Variants in POU6F2 observed in about 807,000 individuals in gnomAD.
POU6F2 encodes the protein POU class 6 homeobox 2, also known as POU domain, class 6, transcription factor 2.
A neutral mutation model predicts 71.3 loss-of-function variants in POU6F2; 31 were observed. The ratio of observed to expected loss-of-function variants is 0.43; its 90% confidence interval spans 0.33 to 0.59. The LOEUF (loss-of-function observed/expected upper bound fraction) is 0.59. Ranked by LOEUF, POU6F2 falls within the 20% of genes least tolerant of loss-of-function variation. The pLI is 0.04. For synonymous variants in POU6F2, 347 were observed against 355.7 expected (o/e 0.98, Z 0.27); for missense variants, 783 against 856.8 (o/e 0.91, Z 1.07).
intron 4 of POU6F2, among the ~76,000 whole-genome samples, chr7:39,230,345 T>A (rs1029695566): frequency 6.6e-6 from 1 of 151,970 alleles, no homozygotes; most frequent in Non-Finnish European, 1.5e-5. Context: ...TTTAGCTGGG[T>A]GTAGTGGTGC....
At chr7:39,044,206 A>G (rs918876739) in intron 1 of POU6F2, among the ~76,000 whole-genome samples, 1 of 151,894 alleles carries the variant, frequency 6.6e-6, no homozygotes, top group Non-Finnish European at 1.5e-5. Flanking sequence ...TAAAGAACGT[A>G]TGGGGTCGAT....
chr7:39,371,114 CT>C (rs1450236523), intron 5 of POU6F2, among the ~76,000 whole-genome samples: 1 of 151,858 alleles, frequency 6.6e-6, no homozygotes, highest in African/African-American at 2.4e-5. Context: ...GAATACTTAT[CT>C]TTACAGTCAA....
intron 7 of POU6F2, among the ~76,000 whole-genome samples, chr7:39,434,786 A>C (rs964170964): frequency 6.6e-6 from 1 of 151,902 alleles, no homozygotes; most frequent in Non-Finnish European, 1.5e-5. Context: ...CCCTCCTCAC[A>C]TCCCACCCCC....
chr7:39,414,630 A>C (rs557161461), intron 6 of POU6F2, among the ~76,000 whole-genome samples: 28 of 151,182 alleles, frequency 1.9e-4, no homozygotes, highest in African/African-American at 6.7e-4. Context: ...TCAGGGCCCC[A>C]GCAGAAGCGC....
At chr7:39,244,526 G>A (rs539330672) in intron 4 of POU6F2, among the ~76,000 whole-genome samples, 1 of 152,278 alleles carries the variant, frequency 6.6e-6, no homozygotes, top group South Asian at 2.1e-4. Context: ...GCTGGAACTG[G>A]TATTAACTTA....
At chr7:39,461,057 A>T (rs1788938351) in intron 9 of POU6F2, among the ~76,000 whole-genome samples, 1 of 152,102 alleles carries the variant, frequency 6.6e-6, no homozygotes, top group Non-Finnish European at 1.5e-5. Flanking sequence ...TTCTGAGCAA[A>T]TGTTGTAAAG....
intron 1 of POU6F2, among the ~76,000 whole-genome samples, chr7:39,025,212 C>T (rs1285539204): frequency 6.6e-6 from 1 of 152,164 alleles, no homozygotes; most frequent in Non-Finnish European, 1.5e-5. Flanking sequence ...AGAGATTCAA[C>T]TTCTTCCTGG....
intron 4 of POU6F2, among the ~76,000 whole-genome samples, chr7:39,221,622 A>C (rs1245048291): frequency 6.6e-6 from 1 of 151,998 alleles, no homozygotes; most frequent in Admixed American, 6.6e-5. Context: ...TCCTAACCTC[A>C]GTGATCCACT....
intron 4 of POU6F2, among the ~76,000 whole-genome samples, chr7:39,282,960 C>T (rs1784585783): frequency 6.6e-6 from 1 of 152,056 alleles, no homozygotes; most frequent in African/African-American, 2.4e-5. Flanking sequence ...TTTTTTTCAT[C>T]AGTGCTTAAA....
At chr7:39,241,105 A>G (rs1326096201) in intron 4 of POU6F2, among the ~76,000 whole-genome samples, 1 of 152,052 alleles carries the variant, frequency 6.6e-6, no homozygotes, top group Admixed American at 6.6e-5. Context: ...CAGACTTCTC[A>G]CTTCTTATTG....
At chr7:39,390,996 A>G (rs1204969561) in intron 5 of POU6F2, among the ~76,000 whole-genome samples, 1 of 152,170 alleles carries the variant, frequency 6.6e-6, no homozygotes, top group Non-Finnish European at 1.5e-5. Context: ...CCCTGGGACT[A>G]GGGTCCCACA....
At chr7:39,371,626 T>A (rs1454136568) in intron 5 of POU6F2, among the ~76,000 whole-genome samples, 1 of 152,108 alleles carries the variant, frequency 6.6e-6, no homozygotes, top group Admixed American at 6.5e-5. Flanking sequence ...TCTACAGATG[T>A]CCCCTTGAGC....
At chr7:39,030,471 A>C (rs1789910389) in intron 1 of POU6F2, among the ~76,000 whole-genome samples, 1 of 132,170 alleles carries the variant, frequency 7.6e-6, no homozygotes, top group South Asian at 2.4e-4. Context: ...AATTTTTGCT[A>C]ATCTCCTGTA....
intron 5 of POU6F2, among the ~76,000 whole-genome samples, chr7:39,344,656 C>G (rs908848997): frequency 2.6e-5 from 4 of 152,240 alleles, no homozygotes; most frequent in Non-Finnish European, 4.4e-5. Context: ...CCCCCTCCCC[C>G]CCCAGCAATT....
chr7:39,276,803 C>T (rs1456137659), intron 4 of POU6F2, among the ~76,000 whole-genome samples: 2 of 149,106 alleles, frequency 1.3e-5, no homozygotes, highest in Non-Finnish European at 3.0e-5. Flanking sequence ...ATCGCAAGGA[C>T]AAAAAACCAA....
intron 2 of POU6F2, among the ~76,000 whole-genome samples, chr7:39,145,163 A>G (rs895079721): frequency 1.3e-5 from 2 of 152,220 alleles, no homozygotes; most frequent in African/African-American, 4.8e-5. Context: ...GAGTATCTCT[A>G]GTGTCTTTTT....
intron 5 of POU6F2, among the ~76,000 whole-genome samples, chr7:39,401,929 A>C (rs1787313254): frequency 6.6e-6 from 1 of 152,208 alleles, no homozygotes; most frequent in African/African-American, 2.4e-5. Flanking sequence ...TGCATTCATA[A>C]GTCCCTCTTA....
In POU6F2 at chr7:39,141,733, G is replaced by A. The variant is rs558579077; in HGVS notation, c.277+55702G>A. On this transcript the variant is annotated intron_variant, in intron 2 of 9. Transcript: ENST00000518318. The stretch of plus-strand genomic sequence containing the variant: ...GAATATTTGTATTATTTTTAAAAAA[G>A]ATGTTTACAGATGGAAATTTAGGAA... Among the ~76,000 whole-genome samples, 171 of 152,168 alleles carry A rather than the reference G, an allele frequency of 1.1e-3. 1 individual carries two copies. The highest frequency in any genetic ancestry group is 1.8e-3 in the Admixed American group (28 of 15,286).
intron 3 of POU6F2, among the ~76,000 whole-genome samples, chr7:39,206,421 T>G (rs1387517015): frequency 6.6e-6 from 1 of 152,222 alleles, no homozygotes; most frequent in African/African-American, 2.4e-5. Context: ...ATAATATCAT[T>G]TTAATTGGGC....
Sources: gnomAD v4.1 joint callset for allele counts (sites outside exome capture counted in the v4.1 genomes callset) on GRCh38, gnomAD v4.1.1 for gene constraint, MANE v1.5 for transcripts, NCBI Gene and HGNC (gene_info 2026-07-23, HGNC 2026-07-21) for gene names.